The following DYRK2 variants were observed in gnomAD, a reference collection of about 807,000 sequenced individuals.
DYRK2 encodes the protein dual specificity tyrosine phosphorylation regulated kinase 2.
DYRK2 carries 12 observed loss-of-function variants against 41.6 expected under a neutral mutation model. That is an observed-to-expected ratio of 0.29 (90% CI 0.18 to 0.47). The LOEUF is 0.47. Among genes scored for constraint, DYRK2 ranks in the 20% least tolerant of loss-of-function variants. The pLI is 1.00. For missense variants in DYRK2, 678 were observed against 798.4 expected (o/e 0.85, Z 1.82); for synonymous variants, 322 against 315.7 (o/e 1.02, Z -0.21).
Position 67,657,635 on chromosome 12 carries a change from A to G in DYRK2, c.728A>G (p.Lys243Arg), listed in dbSNP as rs1872516624. ...FGQVVKAYDH[K>R]VHQHVALKMV... ...CAGGTGGTCAAGGCCTACGATCACA[A>G]AGTCCACCAGCACGTGGCCCTAAAG... The change falls in exon 3 of 3, where the codon AAA becomes AGA. Residue 243 changes from lysine to arginine, a missense_variant. Around this residue, in one of 2 missense-constraint regions of DYRK2, gnomAD observed 393 missense variants for 519.1 expected, o/e 0.76. Transcript: ENST00000344096. The surrounding 1 kb of genome is among the most constrained non-coding windows in gnomAD (Gnocchi z 4.8). The G allele has an allele frequency of 6.2e-7, 1 of 1,613,802 alleles. No individual in the cohort carries two copies. Among genetic ancestry groups the G allele is most frequent in the South Asian group, 1.1e-5 (1 of 91,064 alleles).
At chr12:67,655,599 A>G (rs113040255) in intron 2 of DYRK2, among the ~76,000 whole-genome samples, 253 of 152,338 alleles carry the variant, frequency 1.7e-3, no homozygotes, top group Admixed American at 3.8e-3. Flanking sequence ...AAGTCTAAGA[A>G]ATGATATCCC....
At chr12:67,651,978 G>A (rs1365711896) in intron 2 of DYRK2, among the ~76,000 whole-genome samples, 1 of 151,942 alleles carries the variant, frequency 6.6e-6, no homozygotes, top group Non-Finnish European at 1.5e-5. Flanking sequence ...CCATATGTCT[G>A]TCAGATTTTT....
At chr12:67,649,974 C>A in intron 2 of DYRK2, 29 bp downstream of exon 2, 2 of 1,318,156 alleles carry the variant, frequency 1.5e-6, no homozygotes, top group Non-Finnish European at 1.9e-6. Context: ...GCGGCCCGGG[C>A]GGTGGGGGCG....
chr12:67,649,518 C>G (rs943031060), intron 1 of DYRK2, among the ~76,000 whole-genome samples: 1 of 151,820 alleles, frequency 6.6e-6, no homozygotes, highest in Admixed American at 6.6e-5. Flanking sequence ...GGCTGCTGGC[C>G]GTCTGCAACG....
In DYRK2 at chr12:67,657,049, A is replaced by G; in HGVS notation, c.199-57A>G. 6.7e-7 allele frequency: 1 copy of G among 1,502,410 alleles called. No homozygotes were observed. The highest frequency in any genetic ancestry group is 8.9e-7 in the Non-Finnish European group (1 of 1,123,692). 93.1% of individuals were successfully genotyped at this position (1,502,410 alleles called of 1,614,324 possible). A position where few individuals can be genotyped will look rare whatever the true frequency, so the allele number is the denominator to read the frequency against. On this transcript the variant is annotated intron_variant, in intron 2 of 2. Transcript: ENST00000344096. The surrounding 1 kb of genome is among the most constrained non-coding windows in gnomAD (Gnocchi z 4.8). ...GGTGGTGTTGTTGGGGGTTACTTAT[A>G]CACCATTTGAACAGACACCACTTCT...
At position 67,657,464 on chromosome 12, in the gene DYRK2, T is replaced by C. The variant is rs1872510430; in HGVS notation, c.557T>C (p.Leu186Pro). The change falls in exon 3 of 3, where the codon CTA (leucine) becomes CCA (proline). Residue 186 changes from leucine to proline, a missense_variant. Around this residue, in one of 2 missense-constraint regions of DYRK2, gnomAD observed 285 missense variants for 279.2 expected, o/e 1.02. Transcript: ENST00000344096. The surrounding 1 kb of genome is among the most constrained non-coding windows in gnomAD (Gnocchi z 4.8). ...FSYPEIYFLGLNAKKRQGMTG... is the reference protein window; with the variant it reads ...FSYPEIYFLGPNAKKRQGMTG... The stretch of plus-strand genomic sequence containing the variant: ...TACCCTGAAATATATTTCTTGGGTC[T>C]AAATGCTAAGAAGCGCCAGGGCATG... The C allele has an allele frequency of 6.2e-7, 1 of 1,614,050 alleles. No individual in the cohort carries two copies. Among genetic ancestry groups the C allele is most frequent in the African/African-American group, 1.3e-5 (1 of 74,912 alleles).
chr12:67,649,752 C>A, intron 1 of DYRK2, 45 bp from the exon 2 acceptor site: 4 of 1,306,316 alleles, frequency 3.1e-6, no homozygotes, highest in Non-Finnish European at 3.9e-6. Flanking sequence ...GGGTGACTTT[C>A]TCCCCCCTGA....
rs1359376554 is a variant in DYRK2 at position 67,663,583 on chromosome 12, AAAC to A, written c.*4871_*4873del. The A allele has an allele frequency of 6.6e-6, 1 of 152,120 alleles. No homozygotes were observed. The highest frequency in any genetic ancestry group is 6.6e-5 in the Admixed American group (1 of 15,258). 9.4% of individuals were successfully genotyped at this position (152,120 alleles called of 1,614,324 possible). A position where few individuals can be genotyped will look rare whatever the true frequency, so the allele number is the denominator to read the frequency against. ...TCTTAAAGTTCACACCCAGTGCAAA[AAAC>A]CCAATCAGCAAACTAACCCCAAAAT... is the stretch of plus-strand genomic sequence containing the variant. On this transcript the variant is annotated 3_prime_UTR_variant, in exon 3 of 3. Transcript: ENST00000344096.
intron 2 of DYRK2, chr12:67,651,606 A>G (rs1021350651): frequency 2.2e-6 from 1 of 455,908 alleles, no homozygotes; most frequent in Non-Finnish European, 4.4e-6. Flanking sequence ...CTTGTTTTTA[A>G]CGTGTGTGTA....
Position 67,658,017 on chromosome 12 carries a change from C to T in DYRK2, c.1110C>T (p.Gly370=). The T allele has an allele frequency of 6.2e-7, 1 of 1,614,212 alleles. No homozygotes were observed. The change falls in exon 3 of 3, where the codon GGC becomes GGT. Residue 370 remains glycine, a synonymous_variant. Coordinates refer to ENST00000344096, the MANE Select transcript of DYRK2 (RefSeq NM_006482.3). This position sits in a 1 kb window ranked among gnomAD's most constrained non-coding sequence, Gnocchi z 4.3. ...GRSGIKVIDF[G]SSCYEHQRVY... The stretch of plus-strand genomic sequence containing the variant: ...GCGGTATTAAAGTAATTGATTTTGG[C>T]TCCAGTTGTTACGAGCATCAGCGTG...
Position 67,657,899 on chromosome 12 carries a change from C to G in DYRK2, c.992C>G (p.Ser331Trp). The G allele has an allele frequency of 6.2e-7, 1 of 1,614,224 alleles. No individual in the cohort carries two copies. The highest frequency in any genetic ancestry group is 1.1e-5 in the South Asian group (1 of 91,080). ...SLPLVRKFAH[S>W]ILQCLDALHK... ...CCTTTGGTTCGCAAGTTTGCCCACT[C>G]GATTCTGCAGTGCTTGGATGCTTTG... The change falls in exon 3 of 3, where the codon TCG becomes TGG. Residue 331 changes from serine (S) to tryptophan (W), a missense_variant. Transcript: ENST00000344096. This position sits in a 1 kb window ranked among gnomAD's most constrained non-coding sequence, Gnocchi z 4.8.
intron 2 of DYRK2, among the ~76,000 whole-genome samples, chr12:67,650,266 C>T (rs147354662): frequency 3.5e-4 from 53 of 152,366 alleles, no homozygotes; most frequent in African/African-American, 1.3e-3. Context: ...CCCAGAGTTC[C>T]CTTCCCTGAC....
At chr12:67,649,611 GCC>G (rs1183944635) in intron 1 of DYRK2, 184 bp from the exon 2 acceptor site, 4 of 679,112 alleles carry the variant, frequency 5.9e-6, no homozygotes, top group Non-Finnish European at 8.3e-6. Context: ...CTTTGCAGCT[GCC>G]CGCGCCCCGC....
In DYRK2 at chr12:67,657,203, A is replaced by G; in HGVS notation, c.296A>G (p.Asn99Ser). 6.2e-7 allele frequency: 1 copy of G among 1,613,908 alleles called. No individual in the cohort carries two copies. The highest frequency in any genetic ancestry group is 1.1e-5 in the South Asian group (1 of 90,994). The change falls in exon 3 of 3, where the codon AAC becomes AGC. Residue 99 changes from asparagine (N) to serine (S), a missense_variant. Coordinates refer to ENST00000344096, the MANE Select transcript of DYRK2 (RefSeq NM_006482.3). This position sits in a 1 kb window ranked among gnomAD's most constrained non-coding sequence, Gnocchi z 4.8. The part of the protein sequence containing the change: ...QVQQLFEDNS[N>S]KRTVLTTQPN... ...CAACAGTTGTTTGAGGATAACAGTA[A>G]CAAGCGGACAGTGCTCACGACACAA...
At chr12:67,653,965 A>G (rs1437895178) in intron 2 of DYRK2, among the ~76,000 whole-genome samples, 1 of 152,248 alleles carries the variant, frequency 6.6e-6, no homozygotes, top group Admixed American at 6.5e-5. Flanking sequence ...AAGGACAATA[A>G]TAATGCTCTC....
chr12:67,658,012 T>C lies in DYRK2; in HGVS notation c.1105T>C (p.Phe369Leu), dbSNP rs1267222237. Reference sequence around the variant, plus strand: ...TAGAAGCGGTATTAAAGTAATTGATTTTGGCTCCAGTTGTTACGAGCATCA... The same window carrying C: ...TAGAAGCGGTATTAAAGTAATTGATCTTGGCTCCAGTTGTTACGAGCATCA... ...QGRSGIKVIDFGSSCYEHQRV... is the reference protein window; with the variant it reads ...QGRSGIKVIDLGSSCYEHQRV... Residue 369 changes from phenylalanine (F) to leucine (L), a missense_variant, in exon 3 of 3, where the codon TTT (phenylalanine) becomes CTT (leucine). Transcript: ENST00000344096. The surrounding 1 kb of genome is among the most constrained non-coding windows in gnomAD (Gnocchi z 4.3). The C allele has an allele frequency of 1.1e-5, 17 of 1,614,264 alleles. No individual in the cohort carries two copies. The highest frequency in any genetic ancestry group is 2.2e-5 in the East Asian group (1 of 44,882).
rs1429570530 is a variant in DYRK2 at position 67,664,780 on chromosome 12, C to T, written c.*6067C>T. On this transcript the variant is annotated 3_prime_UTR_variant, in exon 3 of 3. Transcript: ENST00000344096. ...CAAACTAAAAAGTTGAGGACTAGAGCATCGTAGTGTCTAAGTGCACCTAAT... is the reference window on the plus strand; with the variant it reads ...CAAACTAAAAAGTTGAGGACTAGAGTATCGTAGTGTCTAAGTGCACCTAAT... The T allele has an allele frequency of 1.3e-5, 2 of 152,156 alleles. No individual in the cohort carries two copies. Among genetic ancestry groups the T allele is most frequent in the Admixed American group, 1.3e-4 (2 of 15,278 alleles). The allele number at this position is 152,156 out of a possible 1,614,324, so 9.4% of individuals were successfully genotyped here. A position where few individuals can be genotyped will look rare whatever the true frequency, so the allele number is the denominator to read the frequency against.
chr12:67,649,336 T>A (rs1213703405), intron 1 of DYRK2, among the ~76,000 whole-genome samples, 154 bp downstream of exon 1: 2 of 151,054 alleles, frequency 1.3e-5, no homozygotes, highest in Non-Finnish European at 3.0e-5. Flanking sequence ...CCGGGCTCCA[T>A]GCAGGGTTGT....
At position 67,658,416 on chromosome 12, in the gene DYRK2, T is replaced by C. The variant is rs1468458104; in HGVS notation, c.1509T>C (p.Cys503=). The C allele has an allele frequency of 6.3e-7, 1 of 1,594,074 alleles. No individual in the cohort carries two copies. The highest frequency in any genetic ancestry group is 8.5e-7 in the Non-Finnish European group (1 of 1,170,728). Residue 503 remains cysteine, a synonymous_variant, in exon 3 of 3, where the codon TGT becomes TGC. Transcript: ENST00000344096. The surrounding 1 kb of genome is among the most constrained non-coding windows in gnomAD (Gnocchi z 4.3). ...SREWGNALKG[C]DDPLFLDFLK... Reference sequence around the variant, plus strand: ...AGTGGGGGAACGCGCTGAAGGGGTGTGATGATCCCCTTTTCCTTGACTTCT... The same window carrying C: ...AGTGGGGGAACGCGCTGAAGGGGTGCGATGATCCCCTTTTCCTTGACTTCT...
Sources: allele counts gnomAD v4.1 joint callset (sites outside exome capture counted in the v4.1 genomes callset), GRCh38; gene constraint gnomAD v4.1.1; regional missense constraint gnomAD v4.1.1; non-coding constraint Gnocchi (gnomAD v3.1); transcripts MANE v1.5; gene names NCBI Gene and HGNC (gene_info 2026-07-23, HGNC 2026-07-21).